Variants in ACTR3C observed in about 807,000 individuals in gnomAD.
ACTR3C encodes the protein actin related protein 3C.
Under a neutral mutation model 26.3 loss-of-function variants are expected in ACTR3C, and 18 were observed. The ratio of observed to expected loss-of-function variants is 0.68; its 90% CI spans 0.47 to 1.01. The LOEUF (loss-of-function observed/expected upper bound fraction) is 1.01, where lower values mean the gene tolerates loss of function less well. ACTR3C is among the 50% of genes least tolerant of loss of function. ACTR3C has a pLI of 0.00. For synonymous variants in ACTR3C, 55 were observed against 94.5 expected (o/e 0.58, Z 2.42); for missense variants, 184 against 250.7 (o/e 0.73, Z 1.80).
chr7:149,890,531 A>G, the ACTR3C span, among the ~76,000 whole-genome samples: 1 of 150,614 alleles, frequency 6.6e-6, no homozygotes, highest in South Asian at 2.1e-4. Context: ...AATAATTACA[A>G]TCATCTTGCT....
the ACTR3C span, among the ~76,000 whole-genome samples, chr7:149,954,251 T>C: frequency 6.6e-6 from 1 of 152,358 alleles, no homozygotes; most frequent in East Asian, 1.9e-4. Context: ...ATTAATCAAC[T>C]GTATAATCAT....
intron 1 of ACTR3C, among the ~76,000 whole-genome samples, chr7:150,314,472 A>G (rs1478242281): frequency 6.6e-6 from 1 of 152,120 alleles, no homozygotes; most frequent in Non-Finnish European, 1.5e-5. Context: ...AGGGAAAGAA[A>G]ATAGGGTGGG....
intron 6 of ACTR3C, among the ~76,000 whole-genome samples, chr7:150,267,252 C>A (rs1001859944): frequency 2.0e-5 from 3 of 152,226 alleles, no homozygotes; most frequent in Non-Finnish European, 4.4e-5. Flanking sequence ...CCATTATCTG[C>A]GGCTCACGCT....
the ACTR3C span, chr7:150,041,403 A>G: frequency 7.0e-6 from 1 of 142,612 alleles, no homozygotes; most frequent in African/African-American, 2.6e-5. Context: ...CATGTAAGGT[A>G]CCTGCCGTCG....
chr7:150,093,937 G>C, the ACTR3C span, among the ~76,000 whole-genome samples: 6 of 150,820 alleles, frequency 4.0e-5, no homozygotes, highest in Middle Eastern at 3.4e-3. Context: ...GCTCCCTGTA[G>C]ATTAGCTTAT....
chr7:150,036,078 TGC>T, the ACTR3C span, among the ~76,000 whole-genome samples: 2 of 46,722 alleles, frequency 4.3e-5, 1 homozygote, highest in Non-Finnish European at 9.7e-5. Flanking sequence ...TCGCGAGGGG[TGC>T]TCCCCCCCCT....
At chr7:150,130,284 G>A in the ACTR3C span, among the ~76,000 whole-genome samples, 59 of 152,228 alleles carry the variant, frequency 3.9e-4, no homozygotes, top group South Asian at 1.5e-3. Context: ...AATAGAGTAT[G>A]ACAGTCAAAA....
At chr7:150,073,018 G>A in the ACTR3C span, among the ~76,000 whole-genome samples, 50 of 152,320 alleles carry the variant, frequency 3.3e-4, no homozygotes, top group African/African-American at 1.2e-3. Flanking sequence ...CATGGGGAGT[G>A]GCATCGACTA....
At chr7:150,259,271 GAAAA>G (rs1307133767) in intron 6 of ACTR3C, among the ~76,000 whole-genome samples, 3 of 102,248 alleles carry the variant, frequency 2.9e-5, no homozygotes, top group Admixed American at 2.6e-4. Context: ...AAAGAAGAAA[GAAAA>G]AGAAAGAAAG....
the ACTR3C span, among the ~76,000 whole-genome samples, chr7:150,196,423 T>G: frequency 6.6e-6 from 1 of 152,226 alleles, no homozygotes; most frequent in Non-Finnish European, 1.5e-5. Flanking sequence ...TTATATTCAT[T>G]TTTATTTTTA....
At chr7:150,068,756 C>G in the ACTR3C span, among the ~76,000 whole-genome samples, 3 of 129,766 alleles carry the variant, frequency 2.3e-5, no homozygotes, top group South Asian at 2.5e-4. Flanking sequence ...GCACTCCAGC[C>G]TGGGTGACAG....
At chr7:150,043,590 C>A in the ACTR3C span, among the ~76,000 whole-genome samples, 1 of 152,188 alleles carries the variant, frequency 6.6e-6, no homozygotes, top group Non-Finnish European at 1.5e-5. Flanking sequence ...ACTTTGTAGG[C>A]GCCAGTGGGA....
At chr7:149,916,799 C>T in the ACTR3C span, among the ~76,000 whole-genome samples, 8 of 150,920 alleles carry the variant, frequency 5.3e-5, no homozygotes, top group South Asian at 1.7e-3. Flanking sequence ...AGTCCCTTAA[C>T]TTGTCTGAGA....
intron 6 of ACTR3C, among the ~76,000 whole-genome samples, chr7:150,271,258 A>G (rs1293748936): frequency 6.8e-6 from 1 of 146,024 alleles, no homozygotes; most frequent in Non-Finnish European, 1.5e-5. Flanking sequence ...TTACACAGGT[A>G]TACACGTGCC....
chr7:150,051,443 T>C, the ACTR3C span, among the ~76,000 whole-genome samples: 21 of 149,932 alleles, frequency 1.4e-4, no homozygotes, highest in Non-Finnish European at 1.5e-5. Flanking sequence ...AAGTACCCAA[T>C]GGGCATTTCA....
the ACTR3C span, among the ~76,000 whole-genome samples, chr7:150,119,469 A>C: frequency 1.3e-5 from 2 of 152,226 alleles, no homozygotes. Context: ...AACCAATAAA[A>C]GTCAAAAATG....
chr7:150,120,189 G>A, the ACTR3C span, among the ~76,000 whole-genome samples: 3 of 152,056 alleles, frequency 2.0e-5, no homozygotes, highest in African/African-American at 7.2e-5. Context: ...AAAAGCAAGA[G>A]CAAACACATT....
chr7:150,205,941 A>C, the ACTR3C span, among the ~76,000 whole-genome samples: 1 of 152,166 alleles, frequency 6.6e-6, no homozygotes, highest in Non-Finnish European at 1.5e-5. Flanking sequence ...GAGAGTAAAA[A>C]TGGGAAATCC....
chr7:150,116,387 C>T, the ACTR3C span, among the ~76,000 whole-genome samples: 8 of 152,124 alleles, frequency 5.3e-5, no homozygotes, highest in Non-Finnish European at 8.8e-5. Flanking sequence ...GTCTCTTCTT[C>T]GTGCCCCCTG....
Sources: allele counts gnomAD v4.1 joint callset (sites outside exome capture counted in the v4.1 genomes callset), GRCh38; gene constraint gnomAD v4.1.1; transcripts MANE v1.5; gene names NCBI Gene and HGNC (gene_info 2026-07-23, HGNC 2026-07-21).